IRAG2: variants seen among roughly 807,000 people sequenced by gnomAD.
IRAG2 encodes the protein lymphoid restricted membrane protein.
A neutral mutation model predicts 69.9 loss-of-function variants in IRAG2; 45 were observed. The ratio of observed to expected loss-of-function variants is 0.64; its 90% CI spans 0.51 to 0.83. IRAG2 has a LOEUF of 0.83. Ranked by LOEUF, IRAG2 falls within the 40% of genes least tolerant of loss-of-function variation. The probability of loss-of-function intolerance (pLI) is 0.00; values close to 1 mark genes in which losing one functional copy is unlikely to be tolerated. For synonymous variants in IRAG2, 193 were observed against 202.4 expected (o/e 0.95, Z 0.40); for missense variants, 520 against 587.0 (o/e 0.89, Z 1.18).
chr12:25,068,406 T>G (rs1354761826), intron 5 of IRAG2, among the ~76,000 whole-genome samples: 1 of 152,142 alleles, frequency 6.6e-6, no homozygotes, highest in Non-Finnish European at 1.5e-5. Flanking sequence ...CATGGCTATG[T>G]TTTAGTTCAC....
intron 15 of IRAG2, among the ~76,000 whole-genome samples, chr12:25,100,000 G>GAAAAAAAAAAA (rs56728551): frequency 0.085 from 2,172 of 25,622 alleles, 480 homozygotes; most frequent in East Asian, 0.18. Context: ...GACTCCATCT[G>GAAAAAAAAAAA]AAAAAAAAAA....
upstream of IRAG2, chr12:25,052,201 GGACTT>G: frequency 8.8e-6 from 3 of 341,060 alleles, no homozygotes; most frequent in Non-Finnish European, 5.0e-6. Flanking sequence ...CTTGCGGTTT[GGACTT>G]TTTTTTTTTT....
intron 16 of IRAG2, among the ~76,000 whole-genome samples, chr12:25,045,435 T>G (rs114984157): frequency 0.014 from 2,143 of 151,730 alleles, 49 homozygotes; most frequent in African/African-American, 0.05. Context: ...GAAAAGCAAT[T>G]AAAAAGCAGC....
intron 16 of IRAG2, among the ~76,000 whole-genome samples, chr12:25,044,234 C>A (rs574180274): frequency 6.6e-6 from 1 of 151,890 alleles, no homozygotes; most frequent in African/African-American, 2.4e-5. Flanking sequence ...GTTTTATGTA[C>A]GCTCCATGGT....
chr12:25,013,123 A>G (rs1268193520), intron 3 of IRAG2, among the ~76,000 whole-genome samples: 4 of 152,218 alleles, frequency 2.6e-5, no homozygotes, highest in Admixed American at 6.5e-5. Context: ...TATTGGTAGT[A>G]GTGCAAGTTA....
chr12:25,078,406 G>A (rs1226223246), intron 6 of IRAG2, among the ~76,000 whole-genome samples: 1 of 151,914 alleles, frequency 6.6e-6, no homozygotes. Flanking sequence ...GGTTGTGACA[G>A]TTAGTAAGTT....
chr12:25,011,194 A>G (rs184615732), intron 2 of IRAG2: 33 of 465,102 alleles, frequency 7.1e-5, no homozygotes, highest in Non-Finnish European at 1.1e-4. Context: ...CACTAGGTCC[A>G]TTAGACTTTA....
At chr12:25,062,054 T>C (rs1330851883) in intron 2 of IRAG2, among the ~76,000 whole-genome samples, 2 of 152,226 alleles carry the variant, frequency 1.3e-5, no homozygotes, top group Non-Finnish European at 2.9e-5. Context: ...CTTTTTTCTT[T>C]CTCATATTTG....
intron 10 of IRAG2, among the ~76,000 whole-genome samples, chr12:25,030,508 T>C (rs555829156): frequency 2.3e-4 from 35 of 152,244 alleles, no homozygotes; most frequent in Non-Finnish European, 4.0e-4. Flanking sequence ...TGCCTCAGCC[T>C]CCTGAGTAGC....
Position 25,090,188 on chromosome 12 carries a change from A to T in IRAG2, c.597A>T (p.Lys199Asn). Reference sequence around the variant, plus strand: ...AGAAAGAAATCACTAACTGTTTAAAACTATTAGAGGTGAGAATCAGAACAT... The same window carrying T: ...AGAAAGAAATCACTAACTGTTTAAATCTATTAGAGGTGAGAATCAGAACAT... ...NLKKEITNCL[K>N]LLESLTPLCE... Residue 199 changes from lysine to asparagine, a missense_variant, in exon 14 of 22, where the codon AAA becomes AAT. By Grantham distance (94) the Lys-to-Asn change is moderately conservative. Transcript: ENST00000556887. 6.2e-7 allele frequency: 1 copy of T among 1,613,622 alleles called. No homozygotes were observed. The highest frequency in any genetic ancestry group is 8.5e-7 in the Non-Finnish European group (1 of 1,179,674).
intron 10 of IRAG2, among the ~76,000 whole-genome samples, chr12:25,085,790 C>T (rs1172873474): frequency 1.3e-5 from 2 of 152,196 alleles, no homozygotes; most frequent in Non-Finnish European, 2.9e-5. Flanking sequence ...CTCTAGACTG[C>T]TTATGATACC....
intron 6 of IRAG2, among the ~76,000 whole-genome samples, chr12:25,075,521 CGTGT>C (rs747046833): frequency 0.035 from 4,851 of 139,310 alleles, 128 homozygotes; most frequent in African/African-American, 0.064. Context: ...TGTGTGTATG[CGTGT>C]GTGTGTGTGT....
chr12:25,066,471 A>T lies in IRAG2; in HGVS notation c.-100A>T. On this transcript the variant is annotated 5_prime_UTR_variant, in exon 5 of 22. Transcript: ENST00000556887. Reference sequence around the variant, plus strand: ...CTCTGTGTGAAAGGCCCACATATGGAGAAGTAAAGGATGGTGCTTTGGATG... The same window carrying T: ...CTCTGTGTGAAAGGCCCACATATGGTGAAGTAAAGGATGGTGCTTTGGATG... 1 of 401,288 alleles carries T rather than the reference A, an allele frequency of 2.5e-6. No individual in the cohort carries two copies. Among genetic ancestry groups the T allele is most frequent in the Non-Finnish European group, 4.4e-6 (1 of 226,224 alleles). The allele number at this position is 401,288 out of a possible 1,614,324, so 24.9% of individuals were successfully genotyped here. A position where few individuals can be genotyped will look rare whatever the true frequency, so the allele number is the denominator to read the frequency against.
intron 16 of IRAG2, among the ~76,000 whole-genome samples, chr12:25,045,800 AAAG>A (rs976963515): frequency 6.6e-6 from 1 of 151,196 alleles, no homozygotes; most frequent in African/African-American, 2.4e-5. Flanking sequence ...CCAAACATTT[AAAG>A]AAGATTAACG....
chr12:25,032,222 C>A (rs1413405146), intron 11 of IRAG2: 1 of 398,900 alleles, frequency 2.5e-6, no homozygotes, highest in Non-Finnish European at 4.4e-6. Flanking sequence ...TATTATTAAT[C>A]TCACACCTTG....
chr12:25,091,807 G>A (rs1948082053), intron 14 of IRAG2, among the ~76,000 whole-genome samples: 1 of 152,140 alleles, frequency 6.6e-6, no homozygotes, highest in South Asian at 2.1e-4. Flanking sequence ...CCACCCTAAT[G>A]GATGTGAGGT....
chr12:25,014,689 C>T (rs932583401), intron 3 of IRAG2, among the ~76,000 whole-genome samples: 5 of 151,958 alleles, frequency 3.3e-5, no homozygotes, highest in Non-Finnish European at 5.9e-5. Flanking sequence ...TTTGATTCTC[C>T]ATGAGAAAGG....
At chr12:25,089,903 G>C (rs561737553) in intron 13 of IRAG2, 113 bp downstream of exon 13, 15 of 1,322,612 alleles carry the variant, frequency 1.1e-5, no homozygotes, top group Admixed American at 1.0e-4. Flanking sequence ...GTTTGGCTTG[G>C]CTGTGACTCA....
chr12:25,020,455 G>A (rs1295603805), intron 6 of IRAG2, among the ~76,000 whole-genome samples: 1 of 152,082 alleles, frequency 6.6e-6, no homozygotes, highest in African/African-American at 2.4e-5. Flanking sequence ...TAATATTTGT[G>A]GAACTGCATT....
Sources: gnomAD v4.1 joint callset for allele counts (sites outside exome capture counted in the v4.1 genomes callset) on GRCh38, gnomAD v4.1.1 for gene constraint, MANE v1.5 for transcripts, NCBI Gene and HGNC (gene_info 2026-07-23, HGNC 2026-07-21) for gene names.